Variants in AK9 observed in about 807,000 individuals in gnomAD.
AK9 encodes the protein adenylate kinase domain containing 1.
Under a neutral mutation model 239.6 loss-of-function variants are expected in AK9, and 191 were observed. That is an observed-to-expected ratio of 0.80 (90% CI 0.71 to 0.90). AK9 has a LOEUF of 0.90. Ranked by LOEUF, AK9 falls within the 40% of genes least tolerant of loss-of-function variation. The pLI is 0.00. For missense variants in AK9, 1,995 were observed against 2,214.7 expected (o/e 0.90, Z 1.99); for synonymous variants, 689 against 721.0 (o/e 0.96, Z 0.71).
Position 109,599,772 on chromosome 6 carries a change from C to G in AK9, c.1842+10593G>C, listed in dbSNP as rs558803631. On this transcript the variant is annotated intron_variant, in intron 17 of 40. Coordinates refer to ENST00000424296, the MANE Select transcript of AK9 (RefSeq NM_001145128.3). ...TCCTTGAGCAGTGGTTTGTAGTTCT[C>G]CTTGAAGAGGTCCTTCACATACCTT... Among the ~76,000 whole-genome samples, 486 of 152,230 alleles carry G rather than the reference C, an allele frequency of 3.2e-3. 1 individual carries two copies. The highest frequency in any genetic ancestry group is 0.011 in the African/African-American group (475 of 41,514).
intron 24 of AK9, among the ~76,000 whole-genome samples, chr6:109,562,085 G>A (rs962083139): frequency 1.1e-4 from 16 of 151,982 alleles, no homozygotes; most frequent in Admixed American, 5.2e-4. Flanking sequence ...ATGCTCAACT[G>A]GTATATATTG....
chr6:109,514,450 C>T lies in AK9; in HGVS notation c.4066-13G>A, dbSNP rs1779067518. The T allele has an allele frequency of 3.3e-6, 5 of 1,517,656 alleles. No individual in the cohort carries two copies. 94.0% of individuals were successfully genotyped at this position (1,517,656 alleles called of 1,614,324 possible). A position where few individuals can be genotyped will look rare whatever the true frequency, so the allele number is the denominator to read the frequency against. ...CTCCTTCACTTAGCTGCAACATATACACAGTTGAATTTGAAAGTTAGTTTG... is the reference window on the plus strand; with the variant it reads ...CTCCTTCACTTAGCTGCAACATATATACAGTTGAATTTGAAAGTTAGTTTG... On this transcript the variant is annotated splice_polypyrimidine_tract_variant and intron_variant, in intron 31 of 40. Coordinates refer to ENST00000424296, the MANE Select transcript of AK9 (RefSeq NM_001145128.3).
intron 35 of AK9, among the ~76,000 whole-genome samples, chr6:109,500,111 C>T (rs1253863518): frequency 6.7e-6 from 1 of 150,122 alleles, no homozygotes; most frequent in Admixed American, 6.6e-5. Flanking sequence ...TATAAACTTG[C>T]TACATTTAAA....
intron 24 of AK9, among the ~76,000 whole-genome samples, chr6:109,557,345 C>T (rs1785128595): frequency 6.6e-6 from 1 of 152,112 alleles, no homozygotes; most frequent in Non-Finnish European, 1.5e-5. Flanking sequence ...GGCTAGAGAG[C>T]AGCAAAGATG....
At chr6:109,654,308 A>T (rs7743945) in intron 8 of AK9, among the ~76,000 whole-genome samples, 151,796 of 152,120 alleles carry the variant, frequency 1, 75,739 homozygotes, top group Middle Eastern at 1. Context: ...TGAACAAGGC[A>T]TCACATCGCA....
At chr6:109,551,759 T>G (rs765767981) in intron 24 of AK9, among the ~76,000 whole-genome samples, 2 of 117,314 alleles carry the variant, frequency 1.7e-5, no homozygotes, top group African/African-American at 5.8e-5. Flanking sequence ...TTTTCAGTTT[T>G]TTATTTCTTC....
At chr6:109,629,757 C>T (rs1441020223) in intron 12 of AK9, among the ~76,000 whole-genome samples, 3 of 152,106 alleles carry the variant, frequency 2.0e-5, no homozygotes, top group East Asian at 1.9e-4. Flanking sequence ...CTCAGCCTCC[C>T]GAGTAGCTGG....
chr6:109,495,486 G>C lies in AK9; in HGVS notation c.5316-46C>G, dbSNP rs781741380. 1.4e-4 allele frequency: 202 copies of C among 1,399,630 alleles called. 1 individual carries two copies. In the Admixed American group the frequency reaches 3.6e-3, roughly 25 times the overall value. 86.7% of individuals were successfully genotyped at this position (1,399,630 alleles called of 1,614,324 possible). A position where few individuals can be genotyped will look rare whatever the true frequency, so the allele number is the denominator to read the frequency against. ...AGATGGATGCTCACAGTTATACTCA[G>C]TGTGTATAGATAGGAATAGACAAGA... On this transcript the variant is annotated intron_variant, in intron 38 of 40. Coordinates refer to ENST00000424296, the MANE Select transcript of AK9 (RefSeq NM_001145128.3).
At chr6:109,619,600 T>G (rs1385590413) in intron 12 of AK9, among the ~76,000 whole-genome samples, 1 of 152,094 alleles carries the variant, frequency 6.6e-6, no homozygotes, top group African/African-American at 2.4e-5. Context: ...GTACACAGTT[T>G]GATGAGTTTT....
At chr6:109,594,955 A>C (rs527423185) in intron 17 of AK9, among the ~76,000 whole-genome samples, 1 of 152,342 alleles carries the variant, frequency 6.6e-6, no homozygotes, top group South Asian at 2.1e-4. Context: ...ATGCACAAAG[A>C]CTTCATGACT....
At chr6:109,581,901 G>A (rs1041888231) in intron 19 of AK9, among the ~76,000 whole-genome samples, 3 of 152,122 alleles carry the variant, frequency 2.0e-5, no homozygotes. Context: ...CTCTTATTAA[G>A]GGCTTGTGCA....
At chr6:109,571,665 C>T (rs9320301) in intron 21 of AK9, among the ~76,000 whole-genome samples, 28,982 of 152,080 alleles carry the variant, frequency 0.19, 3,215 homozygotes, top group South Asian at 0.34. Context: ...TTTTGAAACA[C>T]ACCGTTCAAC....
intron 27 of AK9, among the ~76,000 whole-genome samples, chr6:109,538,463 T>A (rs1366562267): frequency 6.6e-6 from 1 of 152,210 alleles, no homozygotes; most frequent in Non-Finnish European, 1.5e-5. Flanking sequence ...TCTTGGTAGA[T>A]CTTCCTCCAT....
At chr6:109,602,778 T>C (rs1368352583) in intron 17 of AK9, among the ~76,000 whole-genome samples, 4 of 152,220 alleles carry the variant, frequency 2.6e-5, no homozygotes, top group East Asian at 1.9e-4. Context: ...TTTCTTTTTA[T>C]TCTTTTTTCT....
At chr6:109,572,023 A>G (rs1393771841) in intron 21 of AK9, among the ~76,000 whole-genome samples, 1 of 152,220 alleles carries the variant, frequency 6.6e-6, no homozygotes, top group Non-Finnish European at 1.5e-5. Flanking sequence ...TTACCTTAAA[A>G]TAAGAACCAT....
chr6:109,662,504 T>A (rs767424743), intron 6 of AK9, 47 bp downstream of exon 6: 2 of 1,350,146 alleles, frequency 1.5e-6, no homozygotes, highest in Non-Finnish European at 2.0e-6. Flanking sequence ...TTAACTACTA[T>A]CAAAAAGAAT....
rs2128209565 is a variant in AK9 at position 109,583,071 on chromosome 6, A to C, written c.2114+2052T>G. Reference sequence around the variant, plus strand: ...CTTAATAGATGACAATATTGTGTAAACATAACTTTTATATGCACTGGGAAG... The same window carrying C: ...CTTAATAGATGACAATATTGTGTAACCATAACTTTTATATGCACTGGGAAG... On this transcript the variant is annotated intron_variant, in intron 19 of 40. Transcript: ENST00000424296. 2.6e-5 allele frequency among the ~76,000 whole-genome samples: 4 copies of C among 152,332 alleles called. No individual in the cohort carries two copies. The Middle Eastern group carries it at 0.01, about 389-fold the overall frequency.
chr6:109,650,014 G>A (rs1237285461), intron 8 of AK9, among the ~76,000 whole-genome samples: 1 of 152,126 alleles, frequency 6.6e-6, no homozygotes, highest in Non-Finnish European at 1.5e-5. Context: ...AATGGTGCTG[G>A]GAAAACTGGC....
chr6:109,581,826 G>C (rs2208210), intron 19 of AK9, among the ~76,000 whole-genome samples: 7 of 151,982 alleles, frequency 4.6e-5, no homozygotes, highest in African/African-American at 1.7e-4. Context: ...ATGCCATCTA[G>C]GACTTTCAGA....
Sources: gnomAD v4.1 joint callset for allele counts (sites outside exome capture counted in the v4.1 genomes callset) on GRCh38, gnomAD v4.1.1 for gene constraint, MANE v1.5 for transcripts, NCBI Gene and HGNC (gene_info 2026-07-23, HGNC 2026-07-21) for gene names.